HIPK2: variants seen among roughly 807,000 people sequenced by gnomAD.
The protein encoded by HIPK2 is homeodomain interacting protein kinase 2, also known as homeodomain-interacting protein kinase 2.
In HIPK2, 27 loss-of-function variants were observed where a neutral mutation model predicts 113.7. The observed-to-expected ratio is 0.24, with a 90% CI of 0.17 to 0.33. The LOEUF is 0.33. HIPK2 is among the 10% of genes least tolerant of loss of function. The probability of loss-of-function intolerance (pLI) is 1.00; values close to 1 mark genes in which losing one functional copy is unlikely to be tolerated. For missense variants in HIPK2, 1,257 were observed against 1,588.0 expected, an observed-to-expected ratio of 0.79 and a Z score of 3.54; for synonymous variants, 631 against 642.2, an observed-to-expected ratio of 0.98 and a Z score of 0.26.
intron 2 of HIPK2, among the ~76,000 whole-genome samples, chr7:139,661,175 A>T (rs532752342): frequency 1.3e-5 from 2 of 152,304 alleles, no homozygotes; most frequent in East Asian, 3.9e-4. Flanking sequence ...ATTATTTAAC[A>T]ACCAGCTCCT....
chr7:139,675,246 T>C (rs9692401), intron 2 of HIPK2, among the ~76,000 whole-genome samples: 78,661 of 150,182 alleles, frequency 0.52, 21,442 homozygotes, highest in Non-Finnish European at 0.61. Flanking sequence ...TTAAAAAGAG[T>C]CCGTTATGTT....
At chr7:139,737,614 C>T (rs1795974614) in intron 1 of HIPK2, among the ~76,000 whole-genome samples, 1 of 152,260 alleles carries the variant, frequency 6.6e-6, no homozygotes, top group South Asian at 2.1e-4. Context: ...GCACATCCGG[C>T]CTCTGCTACA....
intron 5 of HIPK2, among the ~76,000 whole-genome samples, chr7:139,627,298 C>CTACG (rs1554432082): frequency 2.0e-5 from 3 of 148,446 alleles, no homozygotes; most frequent in Non-Finnish European, 4.5e-5. Flanking sequence ...ACAAAAAAGT[C>CTACG]TATGTATGTA....
chr7:139,697,433 G>A (rs968894477), intron 2 of HIPK2, among the ~76,000 whole-genome samples: 1 of 152,064 alleles, frequency 6.6e-6, no homozygotes, highest in South Asian at 2.1e-4. Context: ...CTCCTATGGC[G>A]ACGACACAAA....
At chr7:139,773,347 T>C (rs1796685168) in intron 1 of HIPK2, among the ~76,000 whole-genome samples, 1 of 152,184 alleles carries the variant, frequency 6.6e-6, no homozygotes, top group South Asian at 2.1e-4. Context: ...AGAATAGCTA[T>C]ATGAAATGGA....
intron 14 of HIPK2, among the ~76,000 whole-genome samples, chr7:139,574,869 T>C (rs111958645): frequency 2.6e-5 from 4 of 152,248 alleles, no homozygotes; most frequent in Non-Finnish European, 5.9e-5. Flanking sequence ...TCTGGCACCA[T>C]GTCACTAAGG....
chr7:139,625,565 G>GGTCCTGCCCC (rs1193235082), intron 6 of HIPK2, among the ~76,000 whole-genome samples: 7 of 152,200 alleles, frequency 4.6e-5, no homozygotes, highest in Non-Finnish European at 8.8e-5. Context: ...ATGGGTGCAT[G>GGTCCTGCCCC]GTCCTGCCCA....
intron 1 of HIPK2, among the ~76,000 whole-genome samples, chr7:139,749,868 C>A (rs951400277): frequency 6.6e-6 from 1 of 152,208 alleles, no homozygotes; most frequent in Non-Finnish European, 1.5e-5. Flanking sequence ...GACAGAAGAT[C>A]ATCAAAAGTG....
At chr7:139,638,941 C>T (rs1308303732) in intron 2 of HIPK2, among the ~76,000 whole-genome samples, 1 of 152,180 alleles carries the variant, frequency 6.6e-6, no homozygotes. Context: ...CAGGCGTGAG[C>T]CACCACGCCC....
At position 139,571,398 on chromosome 7, in the gene HIPK2, A is replaced by G. The variant is rs1434389787; in HGVS notation, c.*1529T>C. The G allele has an allele frequency of 6.6e-6, 1 of 152,308 alleles. No individual in the cohort carries two copies. The highest frequency in any genetic ancestry group is 1.5e-5 in the Non-Finnish European group (1 of 68,110). 9.4% of individuals were successfully genotyped at this position (152,308 alleles called of 1,614,324 possible). The stretch of plus-strand genomic sequence containing the variant: ...CAGTCCGGAAACCTCTGGCCTCACA[A>G]ATGGCGGAACTGGGGACAGAGTGGG... On this transcript the variant is annotated 3_prime_UTR_variant, in exon 15 of 15. Coordinates refer to ENST00000406875, the MANE Select transcript of HIPK2 (RefSeq NM_022740.5).
intron 1 of HIPK2, among the ~76,000 whole-genome samples, chr7:139,718,033 C>T (rs146864743): frequency 9.9e-5 from 15 of 152,250 alleles, no homozygotes; most frequent in Middle Eastern, 3.4e-3. Context: ...CGTGAGCCAC[C>T]GTGTCTGGCC....
At chr7:139,710,810 C>T (rs1485972120) in intron 2 of HIPK2, among the ~76,000 whole-genome samples, 1 of 152,136 alleles carries the variant, frequency 6.6e-6, no homozygotes, top group African/African-American at 2.4e-5. Flanking sequence ...CCTTGCTGTT[C>T]TTGTGATTGT....
chr7:139,583,803 T>C lies in HIPK2; in HGVS notation c.2965+14A>G. 1.9e-6 allele frequency: 3 copies of C among 1,606,604 alleles called. No homozygotes were observed. Among genetic ancestry groups the C allele is most frequent in the Non-Finnish European group, 2.6e-6 (3 of 1,176,336 alleles). On this transcript the variant is annotated intron_variant, in intron 13 of 14. Transcript: ENST00000406875. The stretch of plus-strand genomic sequence containing the variant: ...CCAGGGAGAGGTTCCTGCCCTGTCC[T>C]GGCCCCAAATTACCTGGCACCAGGC...
In HIPK2 at chr7:139,570,904, G is replaced by GAGTT. The variant is rs1373073463; in HGVS notation, c.*2019_*2022dup. On this transcript the variant is annotated 3_prime_UTR_variant, in exon 15 of 15. Coordinates refer to ENST00000406875, the MANE Select transcript of HIPK2 (RefSeq NM_022740.5). ...CTGCCATTCACATTCACATATTTCA[G>GAGTT]AGTTATTTACTATGAAGAGAGGGAA... 3 of 152,134 alleles carry GAGTT rather than the reference G, an allele frequency of 2.0e-5. No homozygotes were observed. Among genetic ancestry groups the GAGTT allele is most frequent in the Non-Finnish European group, 4.4e-5 (3 of 68,058 alleles). 9.4% of individuals were successfully genotyped at this position (152,134 alleles called of 1,614,324 possible). A position where few individuals can be genotyped will look rare whatever the true frequency, so the allele number is the denominator to read the frequency against.
intron 1 of HIPK2, among the ~76,000 whole-genome samples, chr7:139,726,388 G>A (rs1795575348): frequency 6.6e-6 from 1 of 152,176 alleles, no homozygotes; most frequent in Admixed American, 6.5e-5. Flanking sequence ...CAGATGAGAT[G>A]TGAGAGCAAA....
intron 1 of HIPK2, among the ~76,000 whole-genome samples, chr7:139,768,931 T>C (rs1235404255): frequency 6.6e-6 from 1 of 152,226 alleles, no homozygotes; most frequent in East Asian, 1.9e-4. Flanking sequence ...AGCCTCTTCA[T>C]TGCTCTGGCC....
rs556026231 is a variant in HIPK2 at position 139,607,872 on chromosome 7, T to C, written c.2113-3649A>G. 4.0e-5 allele frequency among the ~76,000 whole-genome samples: 6 copies of C among 151,774 alleles called. No individual in the cohort carries two copies. In the East Asian group the frequency reaches 1.2e-3, roughly 29 times the overall value. On this transcript the variant is annotated intron_variant, in intron 9 of 14. Transcript: ENST00000406875. Reference sequence around the variant, plus strand: ...ATAATACCTAAAATGGAAAAAAAAATCCATAAAAAGCAGTCTAAGCATATT... The same window carrying C: ...ATAATACCTAAAATGGAAAAAAAAACCCATAAAAAGCAGTCTAAGCATATT...
intron 2 of HIPK2, among the ~76,000 whole-genome samples, chr7:139,637,799 A>C (rs887774299): frequency 6.6e-6 from 1 of 152,212 alleles, no homozygotes; most frequent in African/African-American, 2.4e-5. Flanking sequence ...AGAGAGTAGA[A>C]GGGCTGAATC....
chr7:139,713,073 G>A (rs1181932572), intron 2 of HIPK2, among the ~76,000 whole-genome samples: 1 of 152,156 alleles, frequency 6.6e-6, no homozygotes, highest in African/African-American at 2.4e-5. Context: ...GATTTCAGGG[G>A]TGAAAAGAGG....
Sources: gnomAD v4.1 joint callset for allele counts (sites outside exome capture counted in the v4.1 genomes callset) on GRCh38, gnomAD v4.1.1 for gene constraint, MANE v1.5 for transcripts, NCBI Gene and HGNC (gene_info 2026-07-23, HGNC 2026-07-21) for gene names.